HTR2C: variants seen among roughly 807,000 people sequenced by gnomAD.
HTR2C encodes 5-hydroxytryptamine receptor 2C.
A neutral mutation model predicts 21.0 loss-of-function variants in HTR2C; 5 were observed. The observed-to-expected ratio is 0.24, with a 90% CI of 0.12 to 0.50. HTR2C has a LOEUF of 0.50. Among genes scored for constraint, HTR2C ranks in the 20% least tolerant of loss-of-function variants. HTR2C has a pLI of 0.98. For missense variants in HTR2C, 271 were observed against 371.2 expected (o/e 0.73, Z 2.22); for synonymous variants, 150 against 145.3 (o/e 1.03, Z -0.23).
chrX:114,807,009 CA>C (rs1556450431), intron 4 of HTR2C, among the ~76,000 whole-genome samples: 1 of 69,633 alleles, frequency 1.4e-5, no homozygotes, highest in African/African-American at 6.1e-5. Flanking sequence ...CCATATATAT[CA>C]CATATATACC....
chrX:114,621,438 A>G (rs1275297130), intron 2 of HTR2C, among the ~76,000 whole-genome samples: 1 of 111,582 alleles, frequency 9.0e-6, no homozygotes, highest in Admixed American at 9.6e-5. Flanking sequence ...ATTTCCTACA[A>G]TTTTCCCATA....
intron 5 of HTR2C, among the ~76,000 whole-genome samples, chrX:114,889,549 C>G (rs1556482396): frequency 8.9e-6 from 1 of 112,164 alleles, no homozygotes; most frequent in African/African-American, 3.2e-5. Context: ...TTTTATTTCT[C>G]ACTTTTTCCT....
chrX:114,780,008 G>A (rs932806784), intron 4 of HTR2C, among the ~76,000 whole-genome samples: 3 of 110,493 alleles, frequency 2.7e-5, no homozygotes, highest in Non-Finnish European at 5.7e-5. Context: ...TAAAAACAAC[G>A]AAACTAACAA....
chrX:114,787,277 T>C (rs2070185183), intron 4 of HTR2C, among the ~76,000 whole-genome samples: 1 of 112,103 alleles, frequency 8.9e-6, no homozygotes, highest in East Asian at 2.8e-4. Context: ...CCAATTGTTG[T>C]AGTACACATT....
chrX:114,906,017 C>T (rs2071369781), intron 5 of HTR2C, among the ~76,000 whole-genome samples: 1 of 111,712 alleles, frequency 9.0e-6, no homozygotes, highest in African/African-American at 3.3e-5. Flanking sequence ...AACAAAAACC[C>T]TTGCTAAAAA....
chrX:114,614,601 G>A (rs1174394076), intron 2 of HTR2C, among the ~76,000 whole-genome samples: 1 of 111,054 alleles, frequency 9.0e-6, no homozygotes, highest in African/African-American at 3.3e-5. Flanking sequence ...TTGGGGTGTA[G>A]GAAATCTAGC....
At chrX:114,653,787 A>G (rs1930677354) in intron 2 of HTR2C, among the ~76,000 whole-genome samples, 1 of 111,256 alleles carries the variant, frequency 9.0e-6, no homozygotes, top group Non-Finnish European at 1.9e-5. Context: ...TGAATAAAGT[A>G]ATAGCCACCC....
chrX:114,789,675 A>C (rs1194416578), intron 4 of HTR2C, among the ~76,000 whole-genome samples: 1 of 111,608 alleles, frequency 9.0e-6, no homozygotes, highest in Non-Finnish European at 1.9e-5. Flanking sequence ...TATTGCTAGC[A>C]TACCCACAAC....
In HTR2C at chrX:114,759,293, T is replaced by A. The variant is rs1281188892; in HGVS notation, c.349+27686T>A. Among the ~76,000 whole-genome samples the A allele has an allele frequency of 2.7e-5, 3 of 111,167 alleles. No homozygotes were observed. In the Admixed American group the frequency reaches 2.9e-4, roughly 11 times the overall value. On this transcript the variant is annotated intron_variant, in intron 4 of 5. Coordinates refer to ENST00000276198, the MANE Select transcript of HTR2C (RefSeq NM_000868.4). ...CATCCTCCTTTTCAGCAGCTTCCAT[T>A]TGATTGGTCTGGTAACTTACTATCA...
intron 5 of HTR2C, among the ~76,000 whole-genome samples, chrX:114,896,423 A>G (rs1205413711): frequency 8.9e-6 from 1 of 112,055 alleles, no homozygotes; most frequent in African/African-American, 3.2e-5. Context: ...TTCTTTTTCA[A>G]ACAGTTACTG....
At chrX:114,904,202 C>CT (rs1234512206) in intron 5 of HTR2C, among the ~76,000 whole-genome samples, 2 of 111,355 alleles carry the variant, frequency 1.8e-5, no homozygotes, top group Non-Finnish European at 3.8e-5. Flanking sequence ...CTTCTTTTCT[C>CT]TTTTTTTAAA....
chrX:114,628,405 A>ATTTTTTTTTTT (rs35975864), intron 2 of HTR2C, among the ~76,000 whole-genome samples: 521 of 43,762 alleles, frequency 0.012, no homozygotes, highest in Middle Eastern at 0.037. Flanking sequence ...TGCCAGGCTA[A>ATTTTTTTTTTT]TTTTTTTTTT....
intron 2 of HTR2C, among the ~76,000 whole-genome samples, chrX:114,714,795 T>A (rs5988102): frequency 0.012 from 1,329 of 111,180 alleles, 13 homozygotes; most frequent in African/African-American, 0.041. Context: ...ATGAAAACAG[T>A]GAGGCTCAAA....
At chrX:114,746,298 C>T (rs1232102329) in intron 4 of HTR2C, among the ~76,000 whole-genome samples, 2 of 110,818 alleles carry the variant, frequency 1.8e-5, no homozygotes, top group African/African-American at 6.6e-5. Flanking sequence ...ATAATAAAAC[C>T]GGAGACCTTA....
chrX:114,634,258 G>A (rs1556404879), intron 2 of HTR2C, among the ~76,000 whole-genome samples: 2 of 109,746 alleles, frequency 1.8e-5, no homozygotes, highest in Admixed American at 2.0e-4. Context: ...CATCAGGAAG[G>A]AATTAGAAAC....
chrX:114,873,321 T>C (rs1471876488), intron 5 of HTR2C, among the ~76,000 whole-genome samples: 4 of 111,492 alleles, frequency 3.6e-5, no homozygotes, highest in Non-Finnish European at 7.6e-5. Context: ...ATTTTACCAG[T>C]TTTTCAAGAG....
At chrX:114,728,697 T>A (rs1480523908) in intron 3 of HTR2C, among the ~76,000 whole-genome samples, 2 of 111,128 alleles carry the variant, frequency 1.8e-5, no homozygotes, top group Admixed American at 1.9e-4. Context: ...TAAAAAAAAA[T>A]TTTCTGACCA....
At chrX:114,673,964 A>G (rs1931468974) in intron 2 of HTR2C, among the ~76,000 whole-genome samples, 2 of 111,936 alleles carry the variant, frequency 1.8e-5, no homozygotes, top group African/African-American at 6.5e-5. Context: ...CACATCAGAC[A>G]CTGTCTGTTT....
chrX:114,592,655 A>C (rs1602621898), intron 1 of HTR2C, among the ~76,000 whole-genome samples: 1 of 112,090 alleles, frequency 8.9e-6, no homozygotes, highest in East Asian at 2.8e-4. Context: ...TCCCCATTTC[A>C]GTCCATTAAT....
Sources: gnomAD v4.1 joint callset for allele counts (sites outside exome capture counted in the v4.1 genomes callset) on GRCh38, gnomAD v4.1.1 for gene constraint, MANE v1.5 for transcripts, NCBI Gene and HGNC (gene_info 2026-07-23, HGNC 2026-07-21) for gene names.